The following CELF4 variants were observed in gnomAD, a reference collection of about 807,000 sequenced individuals.
CELF4 encodes the protein CUG-BP- and ETR-3-like factor 4.
Under a neutral mutation model 59.9 loss-of-function variants are expected in CELF4, and 18 were observed. The ratio of observed to expected loss-of-function variants is 0.30; its 90% CI spans 0.21 to 0.45. The LOEUF (loss-of-function observed/expected upper bound fraction) is 0.45, where lower values mean the gene tolerates loss of function less well. Among genes scored for constraint, CELF4 ranks in the 20% least tolerant of loss-of-function variants. CELF4 has a pLI of 1.00. For missense variants in CELF4, 456 were observed against 689.0 expected (o/e 0.66, Z 3.79); for synonymous variants, 261 against 267.1 (o/e 0.98, Z 0.22).
intron 3 of CELF4, among the ~76,000 whole-genome samples, chr18:37,303,732 C>G (rs2154465625): frequency 6.6e-6 from 1 of 152,344 alleles, no homozygotes; most frequent in Non-Finnish European, 1.5e-5. Flanking sequence ...AAATCCCTCC[C>G]AGGCTAGCCT....
intron 2 of CELF4, among the ~76,000 whole-genome samples, chr18:37,345,485 G>A (rs2098220798): frequency 6.6e-6 from 1 of 152,162 alleles, no homozygotes; most frequent in Admixed American, 6.5e-5. Flanking sequence ...CCTAAGGGAT[G>A]GCTGCATGGC....
chr18:37,335,482 A>AGT (rs55853220), intron 2 of CELF4, among the ~76,000 whole-genome samples: 5,098 of 144,092 alleles, frequency 0.035, 123 homozygotes, highest in African/African-American at 0.064. Flanking sequence ...CAGTGCATGC[A>AGT]GTGTGTGTGT....
intron 1 of CELF4, among the ~76,000 whole-genome samples, chr18:37,562,457 A>G (rs895212031): frequency 2.0e-5 from 3 of 150,328 alleles, no homozygotes; most frequent in South Asian, 2.1e-4. Context: ...TTGATCCTGT[A>G]TGATTCATTA....
At chr18:37,445,359 G>A (rs1419007222) in intron 2 of CELF4, among the ~76,000 whole-genome samples, 1 of 152,012 alleles carries the variant, frequency 6.6e-6, no homozygotes, top group Non-Finnish European at 1.5e-5. Context: ...GGGTTTCTCG[G>A]TGTTTCGGTA....
At chr18:37,323,183 C>A (rs1380122173) in intron 2 of CELF4, among the ~76,000 whole-genome samples, 3 of 151,676 alleles carry the variant, frequency 2.0e-5, no homozygotes, top group African/African-American at 7.3e-5. Context: ...GAGCCGTGGC[C>A]GGGAAGGACA....
intron 1 of CELF4, among the ~76,000 whole-genome samples, chr18:37,556,282 A>C (rs1407992557): frequency 2.6e-5 from 4 of 152,212 alleles, no homozygotes; most frequent in African/African-American, 9.6e-5. Context: ...GACTTTGGGC[A>C]TACGCTACTC....
At chr18:37,307,198 C>T (rs1233588377) in intron 3 of CELF4, among the ~76,000 whole-genome samples, 1 of 152,192 alleles carries the variant, frequency 6.6e-6, no homozygotes, top group African/African-American at 2.4e-5. Flanking sequence ...CAGTGGCAGC[C>T]ACCTGCCCTG....
chr18:37,344,700 C>T (rs2098185602), intron 2 of CELF4, among the ~76,000 whole-genome samples: 1 of 152,208 alleles, frequency 6.6e-6, no homozygotes, highest in Non-Finnish European at 1.5e-5. Flanking sequence ...TGCACTAACC[C>T]CATGTTACAT....
At chr18:37,273,314 C>G in intron 6 of CELF4, 151 bp from the exon 7 acceptor site, 1 of 1,434,476 alleles carries the variant, frequency 7.0e-7, no homozygotes, top group Non-Finnish European at 9.2e-7. Context: ...CTCTCCCATT[C>G]TTGCCCTGTA....
intron 1 of CELF4, among the ~76,000 whole-genome samples, chr18:37,554,460 C>T (rs1421393435): frequency 6.6e-6 from 1 of 152,156 alleles, no homozygotes; most frequent in Non-Finnish European, 1.5e-5. Flanking sequence ...CACTCTACCT[C>T]AAGCAGCCCC....
chr18:37,473,249 T>C (rs1460844022), intron 2 of CELF4: 1 of 152,320 alleles, frequency 6.6e-6, no homozygotes, highest in East Asian at 1.9e-4. Context: ...GAGGTCCTGC[T>C]TCAGTCTCTG....
At chr18:37,295,414 T>C (rs763654236) in intron 3 of CELF4, among the ~76,000 whole-genome samples, 6 of 152,172 alleles carry the variant, frequency 3.9e-5, no homozygotes, top group Non-Finnish European at 5.9e-5. Context: ...GTTTTTGAAA[T>C]GAGACATAAA....
chr18:37,546,390 G>GCACA (rs138332587), intron 1 of CELF4, among the ~76,000 whole-genome samples: 13,347 of 150,532 alleles, frequency 0.089, 1,378 homozygotes, highest in African/African-American at 0.25. Flanking sequence ...ACATGTATGC[G>GCACA]CACACACACA....
chr18:37,363,860 A>G (rs575927104), intron 2 of CELF4, among the ~76,000 whole-genome samples: 1 of 152,174 alleles, frequency 6.6e-6, no homozygotes, highest in South Asian at 2.1e-4. Flanking sequence ...TCTTATGCTC[A>G]GGACCCTGGG....
chr18:37,324,015 C>T (rs910461328), intron 2 of CELF4, among the ~76,000 whole-genome samples: 2 of 152,054 alleles, frequency 1.3e-5, no homozygotes, highest in Non-Finnish European at 2.9e-5. Flanking sequence ...TTCTTTGGGC[C>T]AGCAAATCAA....
chr18:37,395,584 G>A (rs78399698), intron 2 of CELF4, among the ~76,000 whole-genome samples: 2,870 of 152,312 alleles, frequency 0.019, 85 homozygotes, highest in African/African-American at 0.064. Context: ...GCCCCTGAGG[G>A]GTCAGGTGAG....
At chr18:37,439,394 T>C (rs1313028259) in intron 2 of CELF4, among the ~76,000 whole-genome samples, 1 of 152,104 alleles carries the variant, frequency 6.6e-6, no homozygotes, top group African/African-American at 2.4e-5. Context: ...TCTGATCATG[T>C]GTGTGCATGT....
At chr18:37,306,662 T>C (rs1248481683) in intron 3 of CELF4, among the ~76,000 whole-genome samples, 2 of 152,212 alleles carry the variant, frequency 1.3e-5, no homozygotes, top group Non-Finnish European at 2.9e-5. Flanking sequence ...GCTTGGACTC[T>C]GGCCAATCAC....
intron 2 of CELF4, among the ~76,000 whole-genome samples, chr18:37,409,542 A>C (rs1398445952): frequency 6.6e-6 from 1 of 152,112 alleles, no homozygotes; most frequent in Non-Finnish European, 1.5e-5. Context: ...CGCTATTCTG[A>C]AAAGTGGGTA....
Sources: gnomAD v4.1 joint callset for allele counts (sites outside exome capture counted in the v4.1 genomes callset) on GRCh38, gnomAD v4.1.1 for gene constraint, MANE v1.5 for transcripts, NCBI Gene and HGNC (gene_info 2026-07-23, HGNC 2026-07-21) for gene names.